The following LRRTM4 variants were observed in gnomAD, a reference collection of about 807,000 sequenced individuals.
The protein encoded by LRRTM4 is leucine rich repeat transmembrane neuronal 4, also known as leucine-rich repeat transmembrane neuronal protein 4.
In LRRTM4, 25 loss-of-function variants were observed where a neutral mutation model predicts 47.6. The ratio of observed to expected loss-of-function variants is 0.53; its 90% CI spans 0.38 to 0.73. The LOEUF is 0.73. Among genes scored for constraint, LRRTM4 ranks in the 30% least tolerant of loss-of-function variants. The pLI, the probability that LRRTM4 is intolerant of heterozygous loss-of-function variation, is 0.00. For synonymous variants in LRRTM4, 311 were observed against 269.5 expected (o/e 1.15, Z -1.51); for missense variants, 638 against 713.4 (o/e 0.89, Z 1.20).
intron 3 of LRRTM4, among the ~76,000 whole-genome samples, chr2:77,216,803 T>A (rs914483336): frequency 3.3e-5 from 5 of 151,872 alleles, no homozygotes; most frequent in African/African-American, 1.2e-4. Flanking sequence ...CTGGGCGCGG[T>A]GGCTCATGCC....
chr2:76,847,430 T>C (rs1671869054), intron 3 of LRRTM4, among the ~76,000 whole-genome samples: 1 of 152,100 alleles, frequency 6.6e-6, no homozygotes, highest in Non-Finnish European at 1.5e-5. Context: ...GCCAATGACT[T>C]TCCTATTTGT....
chr2:77,131,577 G>A (rs1382177569), intron 3 of LRRTM4, among the ~76,000 whole-genome samples: 1 of 152,124 alleles, frequency 6.6e-6, no homozygotes, highest in African/African-American at 2.4e-5. Flanking sequence ...GTAATATATT[G>A]CATAGGAAGG....
At chr2:76,932,187 T>C (rs1573331014) in intron 3 of LRRTM4, among the ~76,000 whole-genome samples, 1 of 152,210 alleles carries the variant, frequency 6.6e-6, no homozygotes, top group East Asian at 1.9e-4. Flanking sequence ...GATCACCTCC[T>C]TAGTAGCTAG....
At chr2:77,347,354 C>T (rs1671600149) in intron 3 of LRRTM4, among the ~76,000 whole-genome samples, 1 of 152,092 alleles carries the variant, frequency 6.6e-6, no homozygotes, top group East Asian at 1.9e-4. Flanking sequence ...AAATTAATAG[C>T]TATTTCTAGC....
chr2:77,234,714 C>A (rs1289315866), intron 3 of LRRTM4, among the ~76,000 whole-genome samples: 1 of 152,108 alleles, frequency 6.6e-6, no homozygotes, highest in African/African-American at 2.4e-5. Flanking sequence ...TTAAGAATCT[C>A]TGGTGGATGG....
intron 3 of LRRTM4, among the ~76,000 whole-genome samples, chr2:76,902,806 C>T (rs1162315509): frequency 6.6e-6 from 1 of 152,120 alleles, no homozygotes; most frequent in Non-Finnish European, 1.5e-5. Flanking sequence ...TTGAGTTGTA[C>T]ATTAGATGGC....
At chr2:77,234,888 T>C (rs1675062365) in intron 3 of LRRTM4, among the ~76,000 whole-genome samples, 1 of 152,170 alleles carries the variant, frequency 6.6e-6, no homozygotes, top group Admixed American at 6.5e-5. Flanking sequence ...CACTTACCTC[T>C]TACCCTCCCT....
chr2:76,821,101 A>G (rs911561472), intron 3 of LRRTM4, among the ~76,000 whole-genome samples: 1 of 151,762 alleles, frequency 6.6e-6, no homozygotes, highest in African/African-American at 2.4e-5. Context: ...ACACAAAACC[A>G]TAAGAGGGAG....
intron 3 of LRRTM4, among the ~76,000 whole-genome samples, chr2:76,925,867 A>T (rs1458138067): frequency 1.3e-5 from 2 of 152,204 alleles, no homozygotes. Flanking sequence ...AACCTCACAC[A>T]GTATTTATAA....
intron 3 of LRRTM4, among the ~76,000 whole-genome samples, chr2:77,463,212 A>T (rs1401513303): frequency 6.6e-6 from 1 of 152,042 alleles, no homozygotes; most frequent in Non-Finnish European, 1.5e-5. Context: ...TAAACACTAT[A>T]GGCAATTTTA....
At chr2:77,235,609 T>A (rs1407718899) in intron 3 of LRRTM4, among the ~76,000 whole-genome samples, 2 of 152,160 alleles carry the variant, frequency 1.3e-5, no homozygotes, top group Non-Finnish European at 2.9e-5. Context: ...TCCAGAATAA[T>A]GTTTCTTGGG....
At chr2:76,908,885 G>A (rs565784812) in intron 3 of LRRTM4, among the ~76,000 whole-genome samples, 1 of 152,276 alleles carries the variant, frequency 6.6e-6, no homozygotes, top group East Asian at 1.9e-4. Flanking sequence ...TCATGGGTAG[G>A]AAGAGTCAAT....
intron 3 of LRRTM4, among the ~76,000 whole-genome samples, chr2:77,150,460 T>A (rs565809039): frequency 7.6e-4 from 115 of 152,300 alleles, no homozygotes; most frequent in Non-Finnish European, 1.4e-3. Flanking sequence ...GGAGTTCAAC[T>A]AAGAAGAGAG....
At chr2:76,872,093 T>A (rs1291806266) in intron 3 of LRRTM4, among the ~76,000 whole-genome samples, 1 of 152,198 alleles carries the variant, frequency 6.6e-6, no homozygotes, top group African/African-American at 2.4e-5. Context: ...TTTAAGCTGC[T>A]AAATTTGTGA....
rs139923866 is a variant in LRRTM4, at chr2:77,174,799, G to A, written c.1551+343519C>T. ...CACCTAATGCTATCCCTCCCCCCTC[G>A]CCCCACCCCACAACAGGCCCTGGTG... On this transcript the variant is annotated intron_variant, in intron 3 of 3. Coordinates refer to ENST00000409884, the MANE Select transcript of LRRTM4 (RefSeq NM_001134745.3). Among the ~76,000 whole-genome samples the A allele has an allele frequency of 3.7e-3, 546 of 149,194 alleles. 3 individuals carry two copies. The highest frequency in any genetic ancestry group is 0.013 in the African/African-American group (526 of 40,466).
chr2:77,089,357 T>A (rs977593438), intron 3 of LRRTM4, among the ~76,000 whole-genome samples: 45 of 151,628 alleles, frequency 3.0e-4, no homozygotes, highest in Non-Finnish European at 8.8e-5. Flanking sequence ...CAACCTCATA[T>A]CTCTGCACCC....
At chr2:77,427,604 C>G (rs1675174392) in intron 3 of LRRTM4, among the ~76,000 whole-genome samples, 1 of 152,036 alleles carries the variant, frequency 6.6e-6, no homozygotes, top group Admixed American at 6.6e-5. Context: ...GATTAATATT[C>G]CTTGTGAAGC....
At chr2:76,937,062 A>G (rs539063246) in intron 3 of LRRTM4, among the ~76,000 whole-genome samples, 104 of 150,916 alleles carry the variant, frequency 6.9e-4, no homozygotes, top group African/African-American at 2.4e-3. Context: ...AAGCCACAGA[A>G]GGCCTTTAAT....
intron 3 of LRRTM4, among the ~76,000 whole-genome samples, chr2:77,229,975 A>G (rs770968637): frequency 2.0e-4 from 31 of 152,168 alleles, no homozygotes; most frequent in Non-Finnish European, 4.1e-4. Flanking sequence ...ATGTTATACT[A>G]TGGTGTGTGT....
Sources: gnomAD v4.1 joint callset for allele counts (sites outside exome capture counted in the v4.1 genomes callset) on GRCh38, gnomAD v4.1.1 for gene constraint, MANE v1.5 for transcripts, NCBI Gene and HGNC (gene_info 2026-07-23, HGNC 2026-07-21) for gene names.